The following PPP1R12A variants were observed in gnomAD, a reference collection of about 807,000 sequenced individuals.
PPP1R12A encodes myosin binding subunit.
A neutral mutation model predicts 139.6 loss-of-function variants in PPP1R12A; 19 were observed. The observed-to-expected ratio is 0.14, with a 90% CI of 0.09 to 0.20. The LOEUF (loss-of-function observed/expected upper bound fraction) is 0.20. PPP1R12A is among the 10% of genes least tolerant of loss of function. The pLI is 1.00. For synonymous variants in PPP1R12A, 427 were observed against 420.6 expected, an observed-to-expected ratio of 1.02 and a Z score of -0.19; for missense variants, 925 against 1,211.5, an observed-to-expected ratio of 0.76 and a Z score of 3.51.
chr12:79,807,742 A>G (rs1011439036), intron 11 of PPP1R12A, among the ~76,000 whole-genome samples: 1 of 152,088 alleles, frequency 6.6e-6, no homozygotes, highest in African/African-American at 2.4e-5. Context: ...GATTAAAAGT[A>G]TATTAAAAAG....
chr12:79,863,748 T>C (rs1881638389), intron 2 of PPP1R12A, among the ~76,000 whole-genome samples: 1 of 149,918 alleles, frequency 6.7e-6, no homozygotes, highest in Non-Finnish European at 1.5e-5. Context: ...AAGAAGGCCA[T>C]TACATAATGG....
chr12:79,831,515 C>T (rs1160742470), intron 4 of PPP1R12A, among the ~76,000 whole-genome samples: 2 of 151,964 alleles, frequency 1.3e-5, no homozygotes, highest in African/African-American at 4.8e-5. Flanking sequence ...CCTCTGTCAC[C>T]CAAGAGGAGG....
intron 1 of PPP1R12A, among the ~76,000 whole-genome samples, chr12:79,891,436 T>TG (rs1312151141): frequency 7.2e-5 from 11 of 152,226 alleles, no homozygotes; most frequent in African/African-American, 2.6e-4. Flanking sequence ...TCAAGTATCT[T>TG]GTTGAATAGT....
intron 3 of PPP1R12A, among the ~76,000 whole-genome samples, chr12:79,839,579 A>G (rs776854559): frequency 9.2e-5 from 14 of 152,138 alleles, no homozygotes; most frequent in South Asian, 4.1e-4. Flanking sequence ...TCATGGGGGC[A>G]GTTACCCCCA....
rs748409263 is a variant in PPP1R12A at position 79,934,948 on chromosome 12, G to C, written c.-17C>G. On this transcript the variant is annotated 5_prime_UTR_variant, in exon 1 of 25. Transcript: ENST00000450142. ...CATCTTCATCCCCTCTCCTGCCGCC[G>C]GGTCTTCTTATCGCGAGGGGGGGAA... The C allele has an allele frequency of 6.4e-7, 1 of 1,571,052 alleles. No homozygotes were observed. The highest frequency in any genetic ancestry group is 2.3e-5 in the East Asian group (1 of 42,744).
intron 9 of PPP1R12A, among the ~76,000 whole-genome samples, chr12:79,810,803 C>T (rs568873559): frequency 6.6e-6 from 1 of 152,044 alleles, no homozygotes; most frequent in Non-Finnish European, 1.5e-5. Flanking sequence ...GTTTTTAATC[C>T]ATGTATATAC....
intron 8 of PPP1R12A, 52 bp from the exon 9 acceptor site, chr12:79,817,570 ATGGCTGGG>A: frequency 1.4e-6 from 2 of 1,471,730 alleles, no homozygotes; most frequent in African/African-American, 1.4e-5. Flanking sequence ...TTTGGTCTCA[ATGGCTGGG>A]AAAAAATCAT....
At chr12:79,907,756 G>A (rs752722870) in intron 1 of PPP1R12A, among the ~76,000 whole-genome samples, 27 of 152,102 alleles carry the variant, frequency 1.8e-4, no homozygotes, top group Admixed American at 4.6e-4. Flanking sequence ...AAAATTAGCC[G>A]GGGTGGTAGT....
At chr12:79,925,725 G>C (rs1305367858) in intron 1 of PPP1R12A, among the ~76,000 whole-genome samples, 1 of 152,098 alleles carries the variant, frequency 6.6e-6, no homozygotes, top group Admixed American at 6.5e-5. Flanking sequence ...CAGTAACACA[G>C]AACTCAAGCG....
intron 1 of PPP1R12A, among the ~76,000 whole-genome samples, chr12:79,880,552 C>T (rs1883542004): frequency 6.6e-6 from 1 of 152,032 alleles, no homozygotes; most frequent in Non-Finnish European, 1.5e-5. Flanking sequence ...GCTATGTTCC[C>T]ATCAGTAACG....
At chr12:79,915,914 G>A (rs575522697) in intron 1 of PPP1R12A, among the ~76,000 whole-genome samples, 1 of 152,034 alleles carries the variant, frequency 6.6e-6, no homozygotes, top group South Asian at 2.1e-4. Flanking sequence ...GACATAACAA[G>A]AGCCTTTCCA....
intron 21 of PPP1R12A, 72 bp from the exon 22 acceptor site, chr12:79,786,550 C>T (rs1183955394): frequency 3.1e-6 from 3 of 980,464 alleles, no homozygotes; most frequent in East Asian, 5.4e-5. Context: ...TCATTGATTA[C>T]TTTGCAATAT....
At chr12:79,925,649 CAT>C in intron 1 of PPP1R12A, among the ~76,000 whole-genome samples, 1 of 152,296 alleles carries the variant, frequency 6.6e-6, no homozygotes, top group Non-Finnish European at 1.5e-5. Flanking sequence ...CTATACAACA[CAT>C]GACAATGTGG....
At chr12:79,841,631 T>C (rs976386889) in intron 3 of PPP1R12A, among the ~76,000 whole-genome samples, 2 of 152,178 alleles carry the variant, frequency 1.3e-5, no homozygotes, top group African/African-American at 2.4e-5. Flanking sequence ...CTCCATGCCT[T>C]TTCTAGTTCA....
chr12:79,849,714 A>G (rs746647597), intron 2 of PPP1R12A, among the ~76,000 whole-genome samples: 24 of 152,356 alleles, frequency 1.6e-4, no homozygotes, highest in Middle Eastern at 3.4e-3. Context: ...TGAGTGCTTC[A>G]GGGTAAAGAA....
intron 2 of PPP1R12A, among the ~76,000 whole-genome samples, chr12:79,849,994 T>A (rs530446827): frequency 7.6e-4 from 110 of 145,604 alleles, no homozygotes; most frequent in African/African-American, 1.2e-3. Flanking sequence ...CAGCTAAATT[T>A]AAAAAAAAAA....
intron 6 of PPP1R12A, among the ~76,000 whole-genome samples, chr12:79,821,513 G>C (rs1876096517): frequency 6.6e-6 from 1 of 152,142 alleles, no homozygotes; most frequent in South Asian, 2.1e-4. Flanking sequence ...AGCACTTTGG[G>C]AGGCCAAGGC....
intron 9 of PPP1R12A, among the ~76,000 whole-genome samples, chr12:79,815,957 G>A (rs1056809586): frequency 7.5e-5 from 11 of 147,346 alleles, no homozygotes; most frequent in African/African-American, 2.5e-4. Context: ...AAGTTTGAGA[G>A]AAGGATTATT....
chr12:79,850,939 GC>G (rs1879972220), intron 2 of PPP1R12A, among the ~76,000 whole-genome samples: 1 of 152,118 alleles, frequency 6.6e-6, no homozygotes, highest in African/African-American at 2.4e-5. Context: ...TTCCTGTACA[GC>G]CTATGGAACT....
Sources: gnomAD v4.1 joint callset for allele counts (sites outside exome capture counted in the v4.1 genomes callset) on GRCh38, gnomAD v4.1.1 for gene constraint, MANE v1.5 for transcripts, NCBI Gene and HGNC (gene_info 2026-07-23, HGNC 2026-07-21) for gene names.